ADAM7: variants seen among roughly 807,000 people sequenced by gnomAD.
ADAM7 encodes the protein disintegrin and metalloproteinase domain-containing protein 7.
A neutral mutation model predicts 102.9 loss-of-function variants in ADAM7; 97 were observed. That is an observed-to-expected ratio of 0.94 (90% CI 0.80 to 1.12). ADAM7 has a LOEUF of 1.12. Ranked by LOEUF, ADAM7 falls within the 50% of genes most tolerant of loss-of-function variation. The pLI, the probability that ADAM7 is intolerant of heterozygous loss-of-function variation, is 0.00. For synonymous variants in ADAM7, 334 were observed against 304.4 expected, an observed-to-expected ratio of 1.10 and a Z score of -1.01; for missense variants, 991 against 908.7, an observed-to-expected ratio of 1.09 and a Z score of -1.16.
At chr8:24,488,643 G>C (rs1820227682) in intron 11 of ADAM7, among the ~76,000 whole-genome samples, 2 of 152,138 alleles carry the variant, frequency 1.3e-5, no homozygotes, top group African/African-American at 4.8e-5. Flanking sequence ...AGAAAAGGAA[G>C]ATGGAAGGGA....
intron 9 of ADAM7, 26 bp downstream of exon 9, chr8:24,482,337 A>G (rs756383329): frequency 1.3e-6 from 2 of 1,588,474 alleles, no homozygotes; most frequent in South Asian, 1.2e-5. Flanking sequence ...ATTTTCTTGC[A>G]TACCTTTGGT....
chr8:24,492,715 A>G, intron 15 of ADAM7, 118 bp downstream of exon 15: 1 of 676,576 alleles, frequency 1.5e-6, no homozygotes, highest in Non-Finnish European at 2.5e-6. Context: ...GAAGAGGGAA[A>G]TAAGAAGGAA....
chr8:24,443,390 G>C (rs945774828), intron 2 of ADAM7, among the ~76,000 whole-genome samples: 1 of 152,150 alleles, frequency 6.6e-6, no homozygotes, highest in African/African-American at 2.4e-5. Flanking sequence ...ACTGAGATCT[G>C]TTTCCTATGG....
At chr8:24,498,971 TA>T (rs1354560644) in intron 16 of ADAM7, among the ~76,000 whole-genome samples, 7 of 152,032 alleles carry the variant, frequency 4.6e-5, no homozygotes, top group Non-Finnish European at 2.9e-5. Flanking sequence ...ATAAACATTT[TA>T]ATAACTAATG....
At position 24,476,422 on chromosome 8, in the gene ADAM7, T is replaced by A. The variant is rs2129386194; in HGVS notation, c.634-11T>A. ...TATTAATGAATATTAATATGATATT[T>A]ATATTTCCAGTATCGCAGAAATGGT... On this transcript the variant is annotated splice_polypyrimidine_tract_variant and intron_variant, in intron 7 of 21. Coordinates refer to ENST00000175238, the MANE Select transcript of ADAM7 (RefSeq NM_003817.4). 1 of 1,575,004 alleles carries A rather than the reference T, an allele frequency of 6.3e-7. No individual in the cohort carries two copies. The highest frequency in any genetic ancestry group is 8.7e-7 in the Non-Finnish European group (1 of 1,150,354).
At chr8:24,458,472 AT>A (rs1819121274) in intron 3 of ADAM7, among the ~76,000 whole-genome samples, 5 of 152,160 alleles carry the variant, frequency 3.3e-5, no homozygotes, top group Non-Finnish European at 7.4e-5. Flanking sequence ...TGTGTCTACA[AT>A]ATAAAAGCAA....
At chr8:24,501,971 C>A (rs1231047748) in intron 20 of ADAM7, among the ~76,000 whole-genome samples, 1 of 152,026 alleles carries the variant, frequency 6.6e-6, no homozygotes, top group African/African-American at 2.4e-5. Context: ...ACAGGCAGAT[C>A]ACCTGAATTT....
chr8:24,498,385 T>A (rs574569454), intron 16 of ADAM7, among the ~76,000 whole-genome samples: 125 of 151,740 alleles, frequency 8.2e-4, no homozygotes, highest in African/African-American at 2.9e-3. Flanking sequence ...TAGAATTATT[T>A]AGATTCAAAT....
chr8:24,470,397 A>G (rs2129383909), intron 7 of ADAM7, among the ~76,000 whole-genome samples: 1 of 152,226 alleles, frequency 6.6e-6, no homozygotes, highest in East Asian at 1.9e-4. Flanking sequence ...TAAAACTTTA[A>G]TTGTAATCAC....
rs1212323527 is a variant in ADAM7 at position 24,491,905 on chromosome 8, A to T, written c.1359A>T (p.Ile453=). 2 of 1,593,432 alleles carry T rather than the reference A, an allele frequency of 1.3e-6. No homozygotes were observed. Among genetic ancestry groups the T allele is most frequent in the South Asian group, 1.1e-5 (1 of 87,806 alleles). ...AEGECCESCQ[I]KKAGSICRPA... ...GTCTCTTTGTTTTTCCTCAACAGAT[A>T]AAAAAAGCAGGGTCCATATGCAGAC... Residue 453 remains isoleucine, a splice_region_variant and synonymous_variant, in exon 14 of 22, where the codon ATA becomes ATT. Coordinates refer to ENST00000175238, the MANE Select transcript of ADAM7 (RefSeq NM_003817.4).
In ADAM7 at chr8:24,491,926, C is replaced by T. The variant is rs1191575463; in HGVS notation, c.1380C>T (p.Cys460=). The change falls in exon 14 of 22, where the codon TGC becomes TGT. Residue 460 remains cysteine, a synonymous_variant. Coordinates refer to ENST00000175238, the MANE Select transcript of ADAM7 (RefSeq NM_003817.4). The stretch of plus-strand genomic sequence containing the variant: ...AGATAAAAAAAGCAGGGTCCATATG[C>T]AGACCGGCGAAAGATGAATGTGATT... The part of the protein sequence containing the change: ...SCQIKKAGSI[C]RPAKDECDFP... 1 of 1,611,800 alleles carries T rather than the reference C, an allele frequency of 6.2e-7. No individual in the cohort carries two copies. Among genetic ancestry groups the T allele is most frequent in the Admixed American group, 1.7e-5 (1 of 59,702 alleles).
chr8:24,467,139 C>G (rs1819454456), intron 6 of ADAM7, 151 bp downstream of exon 6: 3 of 711,446 alleles, frequency 4.2e-6, no homozygotes, highest in Non-Finnish European at 6.9e-6. Context: ...AAAATTTTTT[C>G]TTGTCTATGT....
rs924399025 is a variant in ADAM7, at chr8:24,506,024, T to C, written c.2209-1456T>C. 6.7e-5 allele frequency: 79 copies of C among 1,176,472 alleles called. 1 individual carries two copies. The African/African-American group carries it at 1.1e-3, about 16-fold the overall frequency. 72.9% of individuals were successfully genotyped at this position (1,176,472 alleles called of 1,614,324 possible). ...GATAACAATCTACACAAGAATATTATGTCTGGGTCTTTCAGTATTGGTATA... is the reference window on the plus strand; with the variant it reads ...GATAACAATCTACACAAGAATATTACGTCTGGGTCTTTCAGTATTGGTATA... On this transcript the variant is annotated intron_variant, in intron 20 of 21. Transcript: ENST00000175238.
chr8:24,451,893 TC>T (rs1818806520), intron 3 of ADAM7, among the ~76,000 whole-genome samples: 1 of 151,084 alleles, frequency 6.6e-6, no homozygotes, highest in Non-Finnish European at 1.5e-5. Flanking sequence ...ATTTCTGCCT[TC>T]ATTTCATTAT....
chr8:24,503,390 G>T (rs1268937585), intron 20 of ADAM7, among the ~76,000 whole-genome samples: 1 of 152,178 alleles, frequency 6.6e-6, no homozygotes, highest in African/African-American at 2.4e-5. Flanking sequence ...ATGCTAGAGA[G>T]AATGGAGAGA....
In ADAM7 at chr8:24,454,765, T is replaced by C. The variant is rs575020317; in HGVS notation, c.233+7503T>C. 5.3e-5 allele frequency among the ~76,000 whole-genome samples: 8 copies of C among 152,282 alleles called. No individual in the cohort carries two copies. In the South Asian group the frequency reaches 1.7e-3, roughly 32 times the overall value. ...TCTGCATCGCTCACGCTGGGAGCTG[T>C]AGACCGGAGCTGTTCCTATTCGTCC... On this transcript the variant is annotated intron_variant, in intron 3 of 21. Coordinates refer to ENST00000175238, the MANE Select transcript of ADAM7 (RefSeq NM_003817.4).
Position 24,479,899 on chromosome 8 carries a change from AT to A in ADAM7, c.706-2242del, listed in dbSNP as rs534452049. Among the ~76,000 whole-genome samples the A allele has an allele frequency of 2.6e-3, 396 of 152,254 alleles. 3 individuals are homozygous for A. The highest frequency in any genetic ancestry group is 8.9e-3 in the African/African-American group (371 of 41,554). On this transcript the variant is annotated intron_variant, in intron 8 of 21. Transcript: ENST00000175238. ...AGTTCTGTGGTGGATACAGAAAAAA[AT>A]ATATGATTTTCTAGATTCTCTGGCT...
In ADAM7 at chr8:24,490,774, ATC is replaced by A. The variant is rs143000720; in HGVS notation, c.1267-19_1267-18del. On this transcript the variant is annotated intron_variant, in intron 12 of 21. Transcript: ENST00000175238. ...GAGTCAGAGTACATACCAATTTCTC[ATC>A]TCTCTTTTGTGGTTATTGCCAGGAG... 2.8e-3 allele frequency: 4,516 copies of A among 1,606,066 alleles called. 126 individuals carry two copies. The African/African-American group carries it at 0.054, about 19-fold the overall frequency.
At chr8:24,458,761 A>G (rs1819131439) in intron 3 of ADAM7, among the ~76,000 whole-genome samples, 1 of 152,172 alleles carries the variant, frequency 6.6e-6, no homozygotes, top group Non-Finnish European at 1.5e-5. Context: ...TTAAATGATT[A>G]ATATGACAGT....
Sources: allele counts gnomAD v4.1 joint callset (sites outside exome capture counted in the v4.1 genomes callset), GRCh38; gene constraint gnomAD v4.1.1; transcripts MANE v1.5; gene names NCBI Gene and HGNC (gene_info 2026-07-23, HGNC 2026-07-21).